Variants in AKAP13 observed in about 807,000 individuals in gnomAD.
AKAP13 encodes A-kinase anchor protein 13.
AKAP13 carries 80 observed loss-of-function variants against 264.5 expected under a neutral mutation model. The ratio of observed to expected loss-of-function variants is 0.30; its 90% CI spans 0.25 to 0.36. The LOEUF is 0.36. Among genes scored for constraint, AKAP13 ranks in the 10% least tolerant of loss-of-function variants. The probability of loss-of-function intolerance (pLI) is 1.00; values close to 1 mark genes in which losing one functional copy is unlikely to be tolerated. For missense variants in AKAP13, 3,712 were observed against 3,435.2 expected, an observed-to-expected ratio of 1.08 and a Z score of -2.01; for synonymous variants, 1,380 against 1,250.2, an observed-to-expected ratio of 1.10 and a Z score of -2.19.
chr15:85,399,535 A>AATAAATAAAT lies in AKAP13; in HGVS notation c.-12+18738_-12+18739insTAAATAAATA, dbSNP rs1330872907. Among the ~76,000 whole-genome samples the AATAAATAAAT allele has an allele frequency of 2.8e-5, 3 of 105,602 alleles. No individual in the cohort carries two copies. In the East Asian group the frequency reaches 7.2e-4, roughly 25 times the overall value. The allele number at this position is 105,602 out of a possible 152,430, so 69.3% of individuals were successfully genotyped here. A position where few individuals can be genotyped will look rare whatever the true frequency, so the allele number is the denominator to read the frequency against. On this transcript the variant is annotated intron_variant, in intron 1 of 36. Transcript: ENST00000394518. ...AAAAAAAAAAAAATAAAAAAATAAA[A>AATAAATAAAT]AAATAAATAAATAAATAAATAAAGT...
At chr15:85,663,531 G>T (rs1055059440) in intron 12 of AKAP13, among the ~76,000 whole-genome samples, 1 of 152,146 alleles carries the variant, frequency 6.6e-6, no homozygotes, top group Non-Finnish European at 1.5e-5. Flanking sequence ...GGACTGGTAG[G>T]TATGAACTTA....
intron 4 of AKAP13, chr15:85,535,854 C>T (rs919027050): frequency 6.8e-6 from 1 of 147,978 alleles, no homozygotes; most frequent in African/African-American, 2.5e-5. Context: ...GGCTGGAGTG[C>T]AATGGTGCAA....
chr15:85,533,660 A>G lies in AKAP13; in HGVS notation c.258A>G (p.Glu86=), dbSNP rs1288646973. The change falls in exon 4 of 37, where the codon GAA becomes GAG. Residue 86 remains glutamate, a synonymous_variant. Coordinates refer to ENST00000394518, the MANE Select transcript of AKAP13 (RefSeq NM_007200.5). ...GCCTTCCCGTGTTTGTGGTGGCTGA[A>G]GAAGACTTTCATTTCGTCCAGGATG... ...KEGLPVFVVA[E]EDFHFVQDEA... 1.2e-6 allele frequency: 2 copies of G among 1,614,230 alleles called. No individual in the cohort carries two copies. Among genetic ancestry groups the G allele is most frequent in the Admixed American group, 3.3e-5 (2 of 60,020 alleles).
chr15:85,490,907 T>C (rs1233694364), intron 2 of AKAP13, among the ~76,000 whole-genome samples: 4 of 152,138 alleles, frequency 2.6e-5, no homozygotes, highest in Non-Finnish European at 5.9e-5. Context: ...GGGGCTGTTT[T>C]ATCTTGGGTG....
chr15:85,613,330 T>A (rs2080758365), intron 8 of AKAP13, among the ~76,000 whole-genome samples: 1 of 152,062 alleles, frequency 6.6e-6, no homozygotes, highest in African/African-American at 2.4e-5. Flanking sequence ...AAGATGGAGG[T>A]ATGGGACTCA....
chr15:85,426,696 G>C (rs2072794124), intron 1 of AKAP13, among the ~76,000 whole-genome samples: 1 of 152,078 alleles, frequency 6.6e-6, no homozygotes, highest in Admixed American at 6.6e-5. Flanking sequence ...TTTCTACTCA[G>C]TTACTTTGTC....
At chr15:85,592,405 A>G (rs1454644967) in intron 8 of AKAP13, among the ~76,000 whole-genome samples, 1 of 152,200 alleles carries the variant, frequency 6.6e-6, no homozygotes, top group Non-Finnish European at 1.5e-5. Flanking sequence ...CCAACAACTT[A>G]TAATGCTGAT....
At chr15:85,684,953 A>T (rs568534636) in intron 16 of AKAP13, 80 bp downstream of exon 16, 3 of 1,453,982 alleles carry the variant, frequency 2.1e-6, no homozygotes, top group Non-Finnish European at 2.8e-6. Flanking sequence ...AAACTGGTTA[A>T]ATCATGGGGA....
intron 3 of AKAP13, among the ~76,000 whole-genome samples, chr15:85,526,258 C>G (rs537726382): frequency 6.8e-6 from 1 of 147,428 alleles, no homozygotes; most frequent in Admixed American, 6.7e-5. Flanking sequence ...TTCTTTCTCT[C>G]TTTTTTTTTG....
intron 1 of AKAP13, among the ~76,000 whole-genome samples, chr15:85,481,263 CTT>C (rs900804398): frequency 2.0e-5 from 3 of 152,158 alleles, no homozygotes; most frequent in Non-Finnish European, 4.4e-5. Context: ...TCTTTGTAAA[CTT>C]TGCACACCCA....
intron 8 of AKAP13, among the ~76,000 whole-genome samples, chr15:85,633,462 A>C (rs547305638): frequency 2.0e-5 from 3 of 151,984 alleles, no homozygotes; most frequent in Admixed American, 1.3e-4. Context: ...TTTCACAGTA[A>C]GTAAAATTTG....
Position 85,664,644 on chromosome 15 carries a change from C to T in AKAP13, c.4881C>T (p.Ala1627=), listed in dbSNP as rs376622204. The T allele has an allele frequency of 3.3e-5, 54 of 1,614,018 alleles. No homozygotes were observed. The highest frequency in any genetic ancestry group is 3.1e-4 in the South Asian group (28 of 91,064). The change falls in exon 13 of 37, where the codon GCC becomes GCT. Residue 1627 remains alanine (A), a synonymous_variant. Coordinates refer to ENST00000394518, the MANE Select transcript of AKAP13 (RefSeq NM_007200.5). The stretch of plus-strand genomic sequence containing the variant: ...CTCTAGAAGTAAGCTCTGCAAATGC[C>T]GAAGAGCTCAGACACCCATTCAGTG... The part of the protein sequence containing the change: ...SSSLEVSSAN[A]EELRHPFSGE...
intron 8 of AKAP13, among the ~76,000 whole-genome samples, chr15:85,586,350 G>A (rs59618127): frequency 0.018 from 2,683 of 152,120 alleles, 85 homozygotes; most frequent in African/African-American, 0.062. Context: ...GAAATTACAG[G>A]CATGCGCCAC....
chr15:85,501,946 T>C (rs1288541168), intron 2 of AKAP13, among the ~76,000 whole-genome samples: 2 of 152,152 alleles, frequency 1.3e-5, no homozygotes, highest in South Asian at 2.1e-4. Flanking sequence ...AGGGGAACCA[T>C]TTAGGGACAG....
intron 1 of AKAP13, among the ~76,000 whole-genome samples, chr15:85,386,083 C>T (rs1287360556): frequency 6.6e-6 from 1 of 152,154 alleles, no homozygotes; most frequent in Non-Finnish European, 1.5e-5. Flanking sequence ...CCTCGGCCTC[C>T]CAAAGTGCTG....
intron 19 of AKAP13, among the ~76,000 whole-genome samples, chr15:85,713,866 G>A (rs1026488070): frequency 1.3e-5 from 2 of 152,124 alleles, no homozygotes; most frequent in African/African-American, 2.4e-5. Context: ...TCCATTACCA[G>A]GGAAAAATGT....
Position 85,744,796 on chromosome 15 carries a change from T to A in AKAP13, c.*119T>A. 1.1e-6 allele frequency: 1 copy of A among 945,364 alleles called. No individual in the cohort carries two copies. Among genetic ancestry groups the A allele is most frequent in the Non-Finnish European group, 1.6e-6 (1 of 639,456 alleles). The allele number at this position is 945,364 out of a possible 1,614,324, so 58.6% of individuals were successfully genotyped here. A position where few individuals can be genotyped will look rare whatever the true frequency, so the allele number is the denominator to read the frequency against. On this transcript the variant is annotated 3_prime_UTR_variant, in exon 37 of 37. Coordinates refer to ENST00000394518, the MANE Select transcript of AKAP13 (RefSeq NM_007200.5). ...CCCACTGCTCCTCAGCGTCCAGTCC[T>A]CCTGGGCGGCCCCAGGTCCTGGACA... is the stretch of plus-strand genomic sequence containing the variant.
chr15:85,582,847 C>T, intron 7 of AKAP13: 1 of 985,272 alleles, frequency 1.0e-6, no homozygotes, highest in Non-Finnish European at 1.2e-6. Flanking sequence ...TGCTGAGCTG[C>T]TGTCACAGGG....
chr15:85,496,267 C>T (rs6496021), intron 2 of AKAP13, among the ~76,000 whole-genome samples: 9 of 152,182 alleles, frequency 5.9e-5, no homozygotes, highest in Admixed American at 2.6e-4. Context: ...ATTTAGATCT[C>T]GAGAAAAGCT....
Sources: gnomAD v4.1 joint callset for allele counts (sites outside exome capture counted in the v4.1 genomes callset) on GRCh38, gnomAD v4.1.1 for gene constraint, MANE v1.5 for transcripts, NCBI Gene and HGNC (gene_info 2026-07-23, HGNC 2026-07-21) for gene names.